Variants in NXPE2 observed in about 807,000 individuals in gnomAD.
NXPE2 encodes NXPE family member 2.
NXPE2 carries 34 observed loss-of-function variants against 34.4 expected under a neutral mutation model. The ratio of observed to expected loss-of-function variants is 0.99; its 90% confidence interval spans 0.75 to 1.31. The LOEUF (loss-of-function observed/expected upper bound fraction) is 1.31, where lower values mean the gene tolerates loss of function less well. Ranked by LOEUF, NXPE2 falls within the 40% of genes most tolerant of loss-of-function variation. The probability of loss-of-function intolerance (pLI) is 0.00; values close to 1 mark genes in which losing one functional copy is unlikely to be tolerated. For synonymous variants in NXPE2, 235 were observed against 231.3 expected, an observed-to-expected ratio of 1.02 and a Z score of -0.15; for missense variants, 649 against 672.5, an observed-to-expected ratio of 0.97 and a Z score of 0.39.
At chr11:114,639,649 A>C in the NXPE2 span, among the ~76,000 whole-genome samples, 1 of 143,922 alleles carries the variant, frequency 6.9e-6, no homozygotes, top group East Asian at 2.0e-4. Context: ...TAATTTATTT[A>C]TATATAATTT....
At chr11:114,765,410 A>G in the NXPE2 span, among the ~76,000 whole-genome samples, 1 of 152,226 alleles carries the variant, frequency 6.6e-6, no homozygotes, top group Non-Finnish European at 1.5e-5. Context: ...TTTTTCAGCA[A>G]TGAAGTATTT....
the NXPE2 span, among the ~76,000 whole-genome samples, chr11:114,467,055 C>G: frequency 6.6e-6 from 1 of 152,158 alleles, no homozygotes; most frequent in Non-Finnish European, 1.5e-5. Context: ...TTAAGTATGT[C>G]AAGCATTTAT....
At chr11:114,496,683 T>C in the NXPE2 span, among the ~76,000 whole-genome samples, 44 of 152,168 alleles carry the variant, frequency 2.9e-4, 1 homozygote, top group Non-Finnish European at 1.0e-4. Flanking sequence ...CCTATTACAA[T>C]ACCCAATTAC....
At chr11:114,805,019 T>TG in the NXPE2 span, among the ~76,000 whole-genome samples, 6 of 151,876 alleles carry the variant, frequency 4.0e-5, no homozygotes, top group Non-Finnish European at 5.9e-5. Flanking sequence ...TTCTTTGGAG[T>TG]GGGGGTCTAA....
At chr11:114,633,367 T>C in the NXPE2 span, among the ~76,000 whole-genome samples, 3 of 139,936 alleles carry the variant, frequency 2.1e-5, no homozygotes, top group Admixed American at 1.5e-4. Flanking sequence ...ATATACTATA[T>C]AATATATTAT....
the NXPE2 span, among the ~76,000 whole-genome samples, chr11:114,617,202 C>A: frequency 6.6e-6 from 1 of 151,722 alleles, no homozygotes; most frequent in Non-Finnish European, 1.5e-5. Flanking sequence ...TTGTTGGTAA[C>A]CACTGTTACG....
chr11:114,529,103 A>G, the NXPE2 span: 1 of 316,718 alleles, frequency 3.2e-6, no homozygotes, highest in Non-Finnish European at 5.7e-6. Flanking sequence ...CTTATGGAAA[A>G]AAGACTCTAA....
the NXPE2 span, among the ~76,000 whole-genome samples, chr11:114,611,247 G>T: frequency 5.3e-5 from 8 of 151,564 alleles, no homozygotes; most frequent in African/African-American, 1.7e-4. Context: ...TCAATAATAG[G>T]TATTGCTTCT....
At chr11:114,585,447 G>T in the NXPE2 span, among the ~76,000 whole-genome samples, 10 of 152,052 alleles carry the variant, frequency 6.6e-5, no homozygotes, top group Non-Finnish European at 1.5e-5. Flanking sequence ...GATATTCCAT[G>T]CAAATGGAAA....
chr11:114,755,314 A>G, the NXPE2 span, among the ~76,000 whole-genome samples: 2 of 152,198 alleles, frequency 1.3e-5, no homozygotes, highest in Non-Finnish European at 2.9e-5. Context: ...CATTTCCACT[A>G]TGAACTACTT....
the NXPE2 span, among the ~76,000 whole-genome samples, chr11:114,665,624 A>T: frequency 1.3e-5 from 2 of 152,174 alleles, no homozygotes; most frequent in South Asian, 4.1e-4. Context: ...ACTAGAACAG[A>T]TTGCTAAGAG....
At chr11:114,751,598 G>A in the NXPE2 span, among the ~76,000 whole-genome samples, 1 of 152,218 alleles carries the variant, frequency 6.6e-6, no homozygotes, top group African/African-American at 2.4e-5. Context: ...TTCTGGTGGA[G>A]GGATGAGATT....
chr11:114,604,218 C>T, the NXPE2 span, among the ~76,000 whole-genome samples: 17 of 152,012 alleles, frequency 1.1e-4, no homozygotes. Context: ...TTGTGGGTAA[C>T]CACTGTTACC....
chr11:114,645,245 G>A, the NXPE2 span, among the ~76,000 whole-genome samples: 2 of 152,066 alleles, frequency 1.3e-5, no homozygotes, highest in Non-Finnish European at 2.9e-5. Context: ...AAGCTGCAGT[G>A]AGCTGAGATC....
At chr11:114,473,525 AT>A in the NXPE2 span, among the ~76,000 whole-genome samples, 1 of 152,230 alleles carries the variant, frequency 6.6e-6, no homozygotes, top group African/African-American at 2.4e-5. Flanking sequence ...AAACAGAAAA[AT>A]ATCTCAATTT....
the NXPE2 span, among the ~76,000 whole-genome samples, chr11:114,660,913 T>TATTA: frequency 6.6e-6 from 1 of 152,164 alleles, no homozygotes; most frequent in Non-Finnish European, 1.5e-5. Flanking sequence ...TCAACGTTAA[T>TATTA]ATAAAGTTTT....
At chr11:114,655,160 T>G in the NXPE2 span, among the ~76,000 whole-genome samples, 1 of 152,244 alleles carries the variant, frequency 6.6e-6, no homozygotes, top group Admixed American at 6.5e-5. Context: ...TTGCCTATTT[T>G]TTGATAGGAT....
chr11:114,738,027 C>T, the NXPE2 span, among the ~76,000 whole-genome samples: 25 of 152,150 alleles, frequency 1.6e-4, no homozygotes, highest in Admixed American at 9.2e-4. Context: ...GCGGAGGCTG[C>T]GGTGAGCCGA....
At chr11:114,527,952 C>A in the NXPE2 span, 1 of 1,386,010 alleles carries the variant, frequency 7.2e-7, no homozygotes, top group Admixed American at 1.9e-5. Context: ...GCCCATGTAA[C>A]ACAGGTGAAT....
Sources: gnomAD v4.1 joint callset for allele counts (sites outside exome capture counted in the v4.1 genomes callset) on GRCh38, gnomAD v4.1.1 for gene constraint, MANE v1.5 for transcripts, NCBI Gene and HGNC (gene_info 2026-07-23, HGNC 2026-07-21) for gene names.